TRAPPC10: variants seen among roughly 807,000 people sequenced by gnomAD.
TRAPPC10 encodes the protein TRAPP 130 kDa subunit.
TRAPPC10 carries 23 observed loss-of-function variants against 125.5 expected under a neutral mutation model. The observed-to-expected ratio is 0.18, with a 90% CI of 0.13 to 0.26. The LOEUF is 0.26. TRAPPC10 is among the 10% of genes least tolerant of loss of function. The pLI is 1.00. For missense variants in TRAPPC10, 1,123 were observed against 1,308.4 expected (o/e 0.86, Z 2.19); for synonymous variants, 509 against 518.0 (o/e 0.98, Z 0.24).
chr21:44,031,077 C>T (rs964305138), intron 1 of TRAPPC10, among the ~76,000 whole-genome samples: 4 of 152,170 alleles, frequency 2.6e-5, no homozygotes, highest in Admixed American at 6.5e-5. Context: ...AGGTTACCAG[C>T]GCCTTGCCCA....
At chr21:44,051,031 G>A (rs2035199244) in intron 3 of TRAPPC10, among the ~76,000 whole-genome samples, 1 of 152,144 alleles carries the variant, frequency 6.6e-6, no homozygotes, top group Non-Finnish European at 1.5e-5. Flanking sequence ...AGCCTCCTGA[G>A]TAGCTGGGAC....
chr21:44,092,593 C>A (rs2038661722), intron 19 of TRAPPC10, among the ~76,000 whole-genome samples: 1 of 138,856 alleles, frequency 7.2e-6, no homozygotes, highest in African/African-American at 2.7e-5. Flanking sequence ...GTCTGAATCT[C>A]AGCATTTTCA....
At chr21:44,040,033 C>A (rs1171395734) in intron 3 of TRAPPC10, among the ~76,000 whole-genome samples, 1 of 152,220 alleles carries the variant, frequency 6.6e-6, no homozygotes, top group Non-Finnish European at 1.5e-5. Context: ...ACACCTGCGC[C>A]ACAACTAGGA....
Position 44,074,629 on chromosome 21 carries a change from C to T in TRAPPC10, c.1185+159C>T, listed in dbSNP as rs114213621. ...GGTGTCTGGGTGCAGCCAAAGAAGT[C>T]ATAGTTCCCTACCACATGTCGATGT... On this transcript the variant is annotated intron_variant, in intron 8 of 22. Coordinates refer to ENST00000291574, the MANE Select transcript of TRAPPC10 (RefSeq NM_003274.5). Among the ~76,000 whole-genome samples, 814 of 152,350 alleles carry T rather than the reference C, an allele frequency of 5.3e-3. 11 individuals are homozygous for T. Among genetic ancestry groups the T allele is most frequent in the African/African-American group, 0.019 (789 of 41,586 alleles).
intron 11 of TRAPPC10, among the ~76,000 whole-genome samples, chr21:44,078,779 AT>A (rs2037465143): frequency 6.6e-6 from 1 of 152,186 alleles, no homozygotes; most frequent in Non-Finnish European, 1.5e-5. Context: ...ACAAGCCCTT[AT>A]TAATTTGCAT....
In TRAPPC10 at chr21:44,063,494, GAAGTACCTGC is replaced by G; in HGVS notation, c.791-41_791-32del. On this transcript the variant is annotated intron_variant, in intron 6 of 22. Transcript: ENST00000291574. The surrounding 1 kb of genome is among the most constrained non-coding windows in gnomAD (Gnocchi z 4.4). ...GCCTGAGCAGGAAGCTCAGGAAGGT[GAAGTACCTGC>G]AATCAGCACCTTTCATGATGTGTGT... 1 of 1,600,352 alleles carries G rather than the reference GAAGTACCTGC, an allele frequency of 6.2e-7. No homozygotes were observed.
At chr21:44,072,464 G>GTGTT (rs141795138) in intron 7 of TRAPPC10, among the ~76,000 whole-genome samples, 2,563 of 152,180 alleles carry the variant, frequency 0.017, 68 homozygotes, top group African/African-American at 0.057. Flanking sequence ...CTCCTAGGAG[G>GTGTT]TGTTTGTTTG....
chr21:44,032,908 C>G (rs1017514337), intron 2 of TRAPPC10, among the ~76,000 whole-genome samples: 6 of 152,176 alleles, frequency 3.9e-5, no homozygotes, highest in Non-Finnish European at 5.9e-5. Context: ...CACCCTGGCT[C>G]CTGTGCGTTT....
chr21:44,054,529 T>A (rs1183193958), intron 4 of TRAPPC10, among the ~76,000 whole-genome samples: 3 of 152,246 alleles, frequency 2.0e-5, no homozygotes, highest in Non-Finnish European at 4.4e-5. Flanking sequence ...AAATTATTTC[T>A]GAGTTCAGAT....
intron 3 of TRAPPC10, among the ~76,000 whole-genome samples, chr21:44,052,046 A>G (rs2035268154): frequency 6.6e-6 from 1 of 152,182 alleles, no homozygotes; most frequent in Non-Finnish European, 1.5e-5. Flanking sequence ...GGACGCTCAC[A>G]TCCCTTGGGG....
At chr21:44,022,450 A>ATATTT (rs1972645836) in intron 1 of TRAPPC10, among the ~76,000 whole-genome samples, 1 of 96,986 alleles carries the variant, frequency 1.0e-5, no homozygotes, top group African/African-American at 5.1e-5. Context: ...TGCCCAGCTA[A>ATATTT]TTTTTTTTTT....
intron 3 of TRAPPC10, chr21:44,047,104 G>A: frequency 1.6e-6 from 1 of 619,242 alleles, no homozygotes; most frequent in East Asian, 3.5e-5. Context: ...CCCATGGCGA[G>A]ATCCCACCAC....
chr21:44,044,252 T>G (rs1483189894), intron 3 of TRAPPC10, among the ~76,000 whole-genome samples: 1 of 151,632 alleles, frequency 6.6e-6, no homozygotes, highest in Non-Finnish European at 1.5e-5. Context: ...ATTTTTATTG[T>G]TAGCTTTAGC....
At chr21:44,036,295 T>G (rs1407784155) in intron 2 of TRAPPC10, among the ~76,000 whole-genome samples, 1 of 152,182 alleles carries the variant, frequency 6.6e-6, no homozygotes, top group Admixed American at 6.5e-5. Context: ...CTCCCCACAG[T>G]CCTGAGGGAA....
At chr21:44,065,146 T>G (rs2036345857) in intron 7 of TRAPPC10, among the ~76,000 whole-genome samples, 1 of 152,206 alleles carries the variant, frequency 6.6e-6, no homozygotes, top group South Asian at 2.1e-4. Context: ...AGACATGATG[T>G]CTTCTGAGTG....
intron 7 of TRAPPC10, among the ~76,000 whole-genome samples, chr21:44,072,293 C>T (rs1386404591): frequency 2.0e-5 from 3 of 152,226 alleles, no homozygotes; most frequent in African/African-American, 4.8e-5. Context: ...AGCGCCTGGT[C>T]GCGGAGCGGC....
chr21:44,076,736 T>C, intron 10 of TRAPPC10, 108 bp downstream of exon 10: 1 of 846,434 alleles, frequency 1.2e-6, no homozygotes, highest in Non-Finnish European at 1.8e-6. Context: ...GGGCCCCTTC[T>C]TGTTGGTTTT....
chr21:44,034,441 C>T lies in TRAPPC10; in HGVS notation c.149+2269C>T, dbSNP rs886549133. Among the ~76,000 whole-genome samples, 6 of 150,412 alleles carry T rather than the reference C, an allele frequency of 4.0e-5. No homozygotes were observed. The South Asian group carries it at 1.3e-3, about 31-fold the overall frequency. On this transcript the variant is annotated intron_variant, in intron 2 of 22. Coordinates refer to ENST00000291574, the MANE Select transcript of TRAPPC10 (RefSeq NM_003274.5). ...TGCTGCAGAAGGCAAGGGAGAAGGGCCATTCTAAAACCAGCCGGCCTAGGT... is the reference window on the plus strand; with the variant it reads ...TGCTGCAGAAGGCAAGGGAGAAGGGTCATTCTAAAACCAGCCGGCCTAGGT...
At chr21:44,040,131 A>G (rs1472503766) in intron 3 of TRAPPC10, among the ~76,000 whole-genome samples, 1 of 152,174 alleles carries the variant, frequency 6.6e-6, no homozygotes, top group Non-Finnish European at 1.5e-5. Context: ...CGTCTCCTTC[A>G]GCTTCATCCT....
Sources: allele counts gnomAD v4.1 joint callset (sites outside exome capture counted in the v4.1 genomes callset), GRCh38; gene constraint gnomAD v4.1.1; non-coding constraint Gnocchi (gnomAD v3.1); transcripts MANE v1.5; gene names NCBI Gene and HGNC (gene_info 2026-07-23, HGNC 2026-07-21).